Variants in STXBP6 observed in about 807,000 individuals in gnomAD.
STXBP6 encodes syntaxin-binding protein 6.
Under a neutral mutation model 26.9 loss-of-function variants are expected in STXBP6, and 21 were observed. The ratio of observed to expected loss-of-function variants is 0.78; its 90% CI spans 0.55 to 1.12. The LOEUF (loss-of-function observed/expected upper bound fraction) is 1.12, where lower values mean the gene tolerates loss of function less well. STXBP6 is among the 50% of genes most tolerant of loss of function. The pLI, the probability that STXBP6 is intolerant of heterozygous loss-of-function variation, is 0.00. For synonymous variants in STXBP6, 97 were observed against 92.6 expected (o/e 1.05, Z -0.27); for missense variants, 232 against 257.9 (o/e 0.90, Z 0.69).
chr14:25,011,685 C>A (rs911231066), intron 1 of STXBP6, among the ~76,000 whole-genome samples: 3 of 152,070 alleles, frequency 2.0e-5, no homozygotes. Context: ...AATGAGAGTC[C>A]CAGGCTTAAG....
intron 1 of STXBP6, among the ~76,000 whole-genome samples, chr14:25,035,442 G>C (rs1490530731): frequency 6.6e-6 from 1 of 152,140 alleles, no homozygotes; most frequent in Non-Finnish European, 1.5e-5. Flanking sequence ...TCTTTCTTTT[G>C]GCAGGAAGTC....
chr14:24,838,464 T>A (rs2068689360), intron 4 of STXBP6, among the ~76,000 whole-genome samples: 1 of 152,002 alleles, frequency 6.6e-6, no homozygotes, highest in Admixed American at 6.6e-5. Context: ...GGCCAGTGGA[T>A]CATGAGGTCA....
chr14:24,891,365 G>A (rs1321813281), intron 2 of STXBP6, among the ~76,000 whole-genome samples: 1 of 152,126 alleles, frequency 6.6e-6, no homozygotes, highest in Non-Finnish European at 1.5e-5. Flanking sequence ...GGTTACCTAT[G>A]CCTTGAATAC....
At chr14:24,851,241 T>C (rs1206330289) in intron 4 of STXBP6, among the ~76,000 whole-genome samples, 1 of 149,542 alleles carries the variant, frequency 6.7e-6, no homozygotes, top group African/African-American at 2.5e-5. Flanking sequence ...CCACGTCTCT[T>C]TTTTTTTTTT....
At chr14:24,941,943 AGG>A (rs1239981253) in intron 2 of STXBP6, among the ~76,000 whole-genome samples, 1 of 152,250 alleles carries the variant, frequency 6.6e-6, no homozygotes, top group Non-Finnish European at 1.5e-5. Flanking sequence ...ACAGGCTGCC[AGG>A]TGTGCATCTG....
At chr14:24,882,236 G>A (rs1019368503) in intron 2 of STXBP6, among the ~76,000 whole-genome samples, 34 of 150,002 alleles carry the variant, frequency 2.3e-4, no homozygotes, top group Admixed American at 1.6e-3. Flanking sequence ...AAAATTAGCC[G>A]GGCGTAGTGG....
intron 2 of STXBP6, among the ~76,000 whole-genome samples, chr14:24,950,915 C>T (rs139118987): frequency 2.0e-4 from 31 of 152,128 alleles, no homozygotes; most frequent in African/African-American, 6.0e-4. Context: ...ACAGGCCCCC[C>T]GTGTGTAATG....
chr14:24,904,702 A>C (rs2071328612), intron 2 of STXBP6, among the ~76,000 whole-genome samples: 1 of 152,186 alleles, frequency 6.6e-6, no homozygotes, highest in Non-Finnish European at 1.5e-5. Flanking sequence ...AGGACACAGC[A>C]CAAAGGCAGC....
chr14:24,855,051 T>C (rs1335346163), intron 4 of STXBP6, among the ~76,000 whole-genome samples: 1 of 152,116 alleles, frequency 6.6e-6, no homozygotes, highest in African/African-American at 2.4e-5. Context: ...AACTTCTCTA[T>C]ACAACTTCTA....
chr14:24,826,812 C>A (rs1434562776), intron 4 of STXBP6, among the ~76,000 whole-genome samples: 2 of 152,226 alleles, frequency 1.3e-5, no homozygotes, highest in Admixed American at 6.5e-5. Context: ...AGGCTTGAGA[C>A]TGACTTTGCC....
intron 1 of STXBP6, among the ~76,000 whole-genome samples, chr14:24,998,370 T>G (rs2074662336): frequency 6.6e-6 from 1 of 152,222 alleles, no homozygotes; most frequent in African/African-American, 2.4e-5. Flanking sequence ...TCTTATGCAT[T>G]AATTAGAGAT....
chr14:24,923,452 G>A (rs554212155), intron 2 of STXBP6, among the ~76,000 whole-genome samples: 6 of 151,916 alleles, frequency 3.9e-5, no homozygotes, highest in Admixed American at 1.3e-4. Flanking sequence ...GTTTCCTTAC[G>A]AACTTGTCAG....
intron 4 of STXBP6, among the ~76,000 whole-genome samples, chr14:24,822,671 C>T (rs2068169104): frequency 1.3e-5 from 2 of 152,038 alleles, no homozygotes; most frequent in South Asian, 4.1e-4. Context: ...AAGTTTGTCC[C>T]TCCACCCCCC....
At chr14:24,980,307 G>C in intron 1 of STXBP6, among the ~76,000 whole-genome samples, 1 of 152,134 alleles carries the variant, frequency 6.6e-6, no homozygotes, top group East Asian at 1.9e-4. Context: ...GTTTAAGAAA[G>C]AGTTACTGAT....
intron 2 of STXBP6, among the ~76,000 whole-genome samples, chr14:24,863,732 A>T (rs932713920): frequency 6.6e-6 from 1 of 152,052 alleles, no homozygotes; most frequent in Admixed American, 6.5e-5. Context: ...GAGATTCAAC[A>T]ACCCAAAAGG....
intron 1 of STXBP6, among the ~76,000 whole-genome samples, chr14:25,047,372 T>C (rs961868038): frequency 1.3e-5 from 2 of 152,162 alleles, no homozygotes; most frequent in African/African-American, 2.4e-5. Flanking sequence ...GGCACAGGCA[T>C]TGGAACATAA....
intron 2 of STXBP6, among the ~76,000 whole-genome samples, chr14:24,920,728 C>T (rs2071948990): frequency 6.6e-6 from 1 of 152,030 alleles, no homozygotes; most frequent in African/African-American, 2.4e-5. Context: ...ATGTTACATC[C>T]TTCAAGCCCC....
At chr14:24,881,673 C>T (rs1314364866) in intron 2 of STXBP6, among the ~76,000 whole-genome samples, 1 of 152,148 alleles carries the variant, frequency 6.6e-6, no homozygotes, top group African/African-American at 2.4e-5. Flanking sequence ...GAGGACTGTT[C>T]CTAGCAATGA....
chr14:24,926,270 A>G (rs1357337150), intron 2 of STXBP6, among the ~76,000 whole-genome samples: 1 of 152,306 alleles, frequency 6.6e-6, no homozygotes, highest in East Asian at 1.9e-4. Context: ...GGGGAATTGC[A>G]AGTAGGTGGT....
Sources: allele counts gnomAD v4.1 joint callset (sites outside exome capture counted in the v4.1 genomes callset), GRCh38; gene constraint gnomAD v4.1.1; transcripts MANE v1.5; gene names NCBI Gene and HGNC (gene_info 2026-07-23, HGNC 2026-07-21).